The following SLC6A4 variants were observed in gnomAD, a reference collection of about 807,000 sequenced individuals.
SLC6A4 encodes sodium-dependent serotonin transporter.
Under a neutral mutation model 73.4 loss-of-function variants are expected in SLC6A4, and 22 were observed. The observed-to-expected ratio is 0.30, with a 90% confidence interval of 0.21 to 0.43. The LOEUF (loss-of-function observed/expected upper bound fraction) is 0.43. Among genes scored for constraint, SLC6A4 ranks in the 20% least tolerant of loss-of-function variants. The pLI is 1.00. For synonymous variants in SLC6A4, 270 were observed against 315.5 expected (o/e 0.86, Z 1.53); for missense variants, 593 against 808.5 (o/e 0.73, Z 3.23).
At chr17:30,226,872 C>CAAAAAAAAAGA (rs1555590883) in intron 1 of SLC6A4, among the ~76,000 whole-genome samples, 1 of 112,338 alleles carries the variant, frequency 8.9e-6, no homozygotes, top group Non-Finnish European at 1.8e-5. Flanking sequence ...GACTCTGTCT[C>CAAAAAAAAAGA]AAAAAAAAAA....
At chr17:30,212,950 C>A (rs1220562314) in intron 8 of SLC6A4, 83 bp from the exon 9 acceptor site, 5 of 1,474,522 alleles carry the variant, frequency 3.4e-6, no homozygotes, top group African/African-American at 1.4e-5. Flanking sequence ...GCCTGCCCTG[C>A]CTTAGACAGG....
intron 8 of SLC6A4, among the ~76,000 whole-genome samples, 173 bp from the exon 9 acceptor site, chr17:30,213,040 C>A (rs1412166804): frequency 1.3e-5 from 2 of 152,190 alleles, no homozygotes; most frequent in African/African-American, 4.8e-5. Flanking sequence ...CTCCCAGAAC[C>A]CAGCTGCCGA....
At position 30,196,624 on chromosome 17, in the gene SLC6A4, C is replaced by T. The variant is rs1490532197; in HGVS notation, c.*1832G>A. 6.6e-6 allele frequency: 1 copy of T among 152,194 alleles called. No homozygotes were observed. The highest frequency in any genetic ancestry group is 1.5e-5 in the Non-Finnish European group (1 of 68,022). The allele number at this position is 152,194 out of a possible 1,614,324, so 9.4% of individuals were successfully genotyped here. A position where few individuals can be genotyped will look rare whatever the true frequency, so the allele number is the denominator to read the frequency against. The stretch of plus-strand genomic sequence containing the variant: ...TTCTTTTGCACCAACTAATATTTAC[C>T]ACTGAACACGCTGGCATTTAGATCA... On this transcript the variant is annotated 3_prime_UTR_variant, in exon 15 of 15. Coordinates refer to ENST00000650711, the MANE Select transcript of SLC6A4 (RefSeq NM_001045.6).
chr17:30,215,623 T>C lies in SLC6A4; in HGVS notation c.1064A>G (p.Asn355Ser), dbSNP rs766248228. Residue 355 changes from asparagine (N) to serine (S), a missense_variant, in exon 8 of 15, where the codon AAC (asparagine) becomes AGC (serine). Physicochemically the swap from Asn to Ser is conservative, Grantham distance 46 (BLOSUM62 1). Transcript: ENST00000650711. ...CCCAGATACTCACTGGTAGCAGTTG[T>C]TGTTGAACTTGTTGTAGCTAGCAAA... ...LAFASYNKFNNNCYQDALVTS... is the reference protein window; with the variant it reads ...LAFASYNKFNSNCYQDALVTS... 3 of 1,613,830 alleles carry C rather than the reference T, an allele frequency of 1.9e-6. No homozygotes were observed. The highest frequency in any genetic ancestry group is 1.3e-5 in the African/African-American group (1 of 75,058).
chr17:30,226,878 A>AAAAAAAAAAAG (rs754839808), intron 1 of SLC6A4, among the ~76,000 whole-genome samples: 2,247 of 120,552 alleles, frequency 0.019, 57 homozygotes, highest in Non-Finnish European at 0.031. Context: ...GTCTCAAAAA[A>AAAAAAAAAAAG]AAAAGAAAAA....
intron 13 of SLC6A4, chr17:30,206,450 C>T (rs1433803841): frequency 6.6e-6 from 1 of 152,118 alleles, no homozygotes; most frequent in Non-Finnish European, 1.5e-5. Context: ...GTGGACAACC[C>T]TTGGGACTCA....
At chr17:30,216,274 GAGA>G in intron 6 of SLC6A4, 58 bp from the exon 7 acceptor site, 1 of 232,358 alleles carries the variant, frequency 4.3e-6, no homozygotes, top group Non-Finnish European at 7.7e-6. Flanking sequence ...GAGGGGAGGG[GAGA>G]AGGAGAAGGG....
intron 3 of SLC6A4, among the ~76,000 whole-genome samples, chr17:30,219,347 C>T (rs1430520954): frequency 6.6e-6 from 1 of 152,110 alleles, no homozygotes; most frequent in Admixed American, 6.6e-5. Context: ...CTGGGTCTAC[C>T]CCAGACCTCC....
Sources: allele counts gnomAD v4.1 joint callset (sites outside exome capture counted in the v4.1 genomes callset), GRCh38; gene constraint gnomAD v4.1.1; transcripts MANE v1.5; gene names NCBI Gene and HGNC (gene_info 2026-07-23, HGNC 2026-07-21).